Variants in ATRNL1 observed in about 807,000 individuals in gnomAD.
ATRNL1 encodes the protein attractin like 1.
ATRNL1 carries 95 observed loss-of-function variants against 182.7 expected under a neutral mutation model. The observed-to-expected ratio is 0.52, with a 90% CI of 0.44 to 0.62. The LOEUF is 0.62. Ranked by LOEUF, ATRNL1 falls within the 20% of genes least tolerant of loss-of-function variation. The pLI is 0.00. For missense variants in ATRNL1, 1,471 were observed against 1,679.5 expected (o/e 0.88, Z 2.17); for synonymous variants, 576 against 568.3 (o/e 1.01, Z -0.19).
At chr10:115,748,031 A>T (rs1555069643) in intron 27 of ATRNL1, among the ~76,000 whole-genome samples, 2 of 152,004 alleles carry the variant, frequency 1.3e-5, no homozygotes, top group African/African-American at 4.8e-5. Context: ...TTTCATATGA[A>T]TTTGGGGGAG....
At chr10:115,865,624 A>G (rs542198016) in intron 28 of ATRNL1, among the ~76,000 whole-genome samples, 2 of 152,276 alleles carry the variant, frequency 1.3e-5, no homozygotes, top group South Asian at 2.1e-4. Flanking sequence ...AAATACCCCT[A>G]TCTTACAGGT....
intron 26 of ATRNL1, among the ~76,000 whole-genome samples, chr10:115,665,246 A>G (rs1357673763): frequency 2.6e-5 from 4 of 152,166 alleles, no homozygotes; most frequent in African/African-American, 9.7e-5. Flanking sequence ...AGAAATATAT[A>G]ACAGAGTCAT....
intron 8 of ATRNL1, among the ~76,000 whole-genome samples, chr10:115,182,269 G>C (rs977853258): frequency 9.3e-5 from 14 of 151,280 alleles, no homozygotes; most frequent in African/African-American, 3.4e-4. Flanking sequence ...TATTGTTCTA[G>C]GTATACTGAG....
intron 27 of ATRNL1, among the ~76,000 whole-genome samples, chr10:115,737,142 T>C (rs1947975239): frequency 6.6e-6 from 1 of 151,928 alleles, no homozygotes; most frequent in Non-Finnish European, 1.5e-5. Flanking sequence ...GTATACTTCA[T>C]TGGGTAGGCA....
chr10:115,584,355 T>A (rs1555009067), intron 26 of ATRNL1, among the ~76,000 whole-genome samples: 2 of 125,594 alleles, frequency 1.6e-5, no homozygotes, highest in Admixed American at 9.0e-5. Context: ...TCTGGTAGAA[T>A]TCGGCTGTGA....
intron 26 of ATRNL1, among the ~76,000 whole-genome samples, chr10:115,695,888 T>G (rs1555049617): frequency 6.6e-6 from 1 of 151,984 alleles, no homozygotes; most frequent in African/African-American, 2.4e-5. Context: ...CCATGGTGTA[T>G]ATGTACAACA....
At chr10:115,848,101 T>C in intron 28 of ATRNL1, 110 bp downstream of exon 28, 1 of 647,530 alleles carries the variant, frequency 1.5e-6, no homozygotes, top group Non-Finnish European at 2.7e-6. Context: ...GGTTCTAATT[T>C]AGAGCATGGT....
intron 25 of ATRNL1, among the ~76,000 whole-genome samples, chr10:115,535,230 C>G (rs539694924): frequency 2.0e-5 from 3 of 152,186 alleles, no homozygotes; most frequent in South Asian, 2.1e-4. Context: ...TTCTCCCCGT[C>G]ACTTTCAGGT....
chr10:115,875,786 T>C (rs1951686663), intron 28 of ATRNL1, among the ~76,000 whole-genome samples: 2 of 152,146 alleles, frequency 1.3e-5, no homozygotes, highest in Non-Finnish European at 2.9e-5. Context: ...ATTATACAAA[T>C]ACATACTTAG....
chr10:115,906,886 A>G (rs1429596178), intron 28 of ATRNL1, among the ~76,000 whole-genome samples: 1 of 152,216 alleles, frequency 6.6e-6, no homozygotes, highest in African/African-American at 2.4e-5. Flanking sequence ...GTAAATATTA[A>G]TTCACTTAAT....
chr10:115,756,987 T>G (rs1459997001), intron 27 of ATRNL1, among the ~76,000 whole-genome samples: 2 of 151,942 alleles, frequency 1.3e-5, no homozygotes, highest in African/African-American at 4.8e-5. Context: ...CAACCCCTGC[T>G]TTTTTTTGTT....
intron 28 of ATRNL1, among the ~76,000 whole-genome samples, chr10:115,876,240 C>A (rs1951697178): frequency 6.7e-6 from 1 of 148,730 alleles, no homozygotes; most frequent in Admixed American, 6.7e-5. Flanking sequence ...AAGACACTTA[C>A]CCTTTCTCAG....
intron 26 of ATRNL1, among the ~76,000 whole-genome samples, chr10:115,576,326 A>G (rs75809175): frequency 0.019 from 2,964 of 152,178 alleles, 65 homozygotes; most frequent in East Asian, 0.12. Context: ...ACTGTTTTCA[A>G]TAATAGCCAT....
At chr10:115,434,674 T>C (rs1565039425) in intron 21 of ATRNL1, among the ~76,000 whole-genome samples, 1 of 152,224 alleles carries the variant, frequency 6.6e-6, no homozygotes, top group Non-Finnish European at 1.5e-5. Context: ...AAAAATTTTA[T>C]GTAATTCCAT....
chr10:115,310,777 A>C (rs1853978200), intron 17 of ATRNL1, among the ~76,000 whole-genome samples: 1 of 151,986 alleles, frequency 6.6e-6, no homozygotes, highest in African/African-American at 2.4e-5. Flanking sequence ...ACTAGTTTTC[A>C]TTTCATTGGT....
chr10:115,445,555 A>C (rs1244776731), intron 21 of ATRNL1, among the ~76,000 whole-genome samples: 5 of 140,618 alleles, frequency 3.6e-5, no homozygotes, highest in Non-Finnish European at 7.5e-5. Flanking sequence ...GTGTGTGTAC[A>C]CTTACCTACA....
At chr10:115,797,940 C>T (rs975973532) in intron 27 of ATRNL1, among the ~76,000 whole-genome samples, 14 of 151,840 alleles carry the variant, frequency 9.2e-5, no homozygotes, top group Non-Finnish European at 1.3e-4. Context: ...TTTTTTGAGA[C>T]GGAGTCTCGC....
chr10:115,476,670 C>T (rs1338947188), intron 24 of ATRNL1, among the ~76,000 whole-genome samples: 2 of 151,228 alleles, frequency 1.3e-5, no homozygotes, highest in African/African-American at 2.4e-5. Flanking sequence ...CTACTTTCAG[C>T]TCTCCAAATA....
intron 1 of ATRNL1, among the ~76,000 whole-genome samples, chr10:115,107,613 G>A (rs1280996864): frequency 6.6e-6 from 1 of 152,160 alleles, no homozygotes; most frequent in African/African-American, 2.4e-5. Context: ...AGGCAGCCCT[G>A]CTCCCATGGC....
Sources: gnomAD v4.1 joint callset for allele counts (sites outside exome capture counted in the v4.1 genomes callset) on GRCh38, gnomAD v4.1.1 for gene constraint, MANE v1.5 for transcripts, NCBI Gene and HGNC (gene_info 2026-07-23, HGNC 2026-07-21) for gene names.